ZFYVE16: variants seen among roughly 807,000 people sequenced by gnomAD.
ZFYVE16 encodes zinc finger FYVE-type containing 16.
In ZFYVE16, 89 loss-of-function variants were observed where a neutral mutation model predicts 138.1. The observed-to-expected ratio is 0.64, with a 90% CI of 0.54 to 0.77. The LOEUF (loss-of-function observed/expected upper bound fraction) is 0.77, where lower values mean the gene tolerates loss of function less well. Among genes scored for constraint, ZFYVE16 ranks in the 30% least tolerant of loss-of-function variants. The pLI is 0.00. For missense variants in ZFYVE16, 1,793 were observed against 1,786.7 expected (o/e 1.00, Z -0.06); for synonymous variants, 596 against 618.3 (o/e 0.96, Z 0.53).
intron 1 of ZFYVE16, among the ~76,000 whole-genome samples, chr5:80,413,056 G>A (rs912050502): frequency 6.6e-6 from 1 of 152,156 alleles, no homozygotes; most frequent in Admixed American, 6.5e-5. Context: ...CACACCTGTT[G>A]TTCCATTTAC....
intron 1 of ZFYVE16, among the ~76,000 whole-genome samples, chr5:80,426,491 C>T (rs906771953): frequency 1.3e-5 from 2 of 151,670 alleles, no homozygotes; most frequent in Non-Finnish European, 2.9e-5. Context: ...GTTCCCCTCC[C>T]TGTGTCCACG....
intron 6 of ZFYVE16, among the ~76,000 whole-genome samples, chr5:80,443,524 AGG>A (rs1750955699): frequency 6.6e-6 from 1 of 152,178 alleles, no homozygotes; most frequent in Non-Finnish European, 1.5e-5. Context: ...GGGCTACAAA[AGG>A]GGAGAGGCTA....
At chr5:80,411,134 A>ATTTTTTTT (rs58086060) in intron 1 of ZFYVE16, among the ~76,000 whole-genome samples, 9 of 95,240 alleles carry the variant, frequency 9.4e-5, no homozygotes, top group Admixed American at 1.4e-4. Flanking sequence ...CGCCCAGCTA[A>ATTTTTTTT]TTTTTTTTTT....
chr5:80,469,039 G>C (rs986409869), intron 15 of ZFYVE16, among the ~76,000 whole-genome samples: 1 of 149,754 alleles, frequency 6.7e-6, no homozygotes, highest in Non-Finnish European at 1.5e-5. Context: ...CTGTCATTCT[G>C]ATAATGGAAT....
At chr5:80,422,676 A>G (rs1164780644) in intron 1 of ZFYVE16, among the ~76,000 whole-genome samples, 1 of 152,082 alleles carries the variant, frequency 6.6e-6, no homozygotes, top group East Asian at 1.9e-4. Context: ...GCTGGTCTCA[A>G]ACTCCTGACC....
At chr5:80,415,355 G>T (rs1746049037) in intron 1 of ZFYVE16, among the ~76,000 whole-genome samples, 1 of 152,042 alleles carries the variant, frequency 6.6e-6, no homozygotes, top group Non-Finnish European at 1.5e-5. Context: ...TTAACTAAAG[G>T]CTATACTTTA....
At chr5:80,460,629 G>C (rs534356645) in intron 15 of ZFYVE16, among the ~76,000 whole-genome samples, 1 of 152,182 alleles carries the variant, frequency 6.6e-6, no homozygotes, top group Non-Finnish European at 1.5e-5. Context: ...TTGAATAGGA[G>C]TTGATCCAGC....
At chr5:80,436,213 C>G (rs1259866950) in intron 3 of ZFYVE16, among the ~76,000 whole-genome samples, 1 of 152,204 alleles carries the variant, frequency 6.6e-6, no homozygotes, top group African/African-American at 2.4e-5. Flanking sequence ...ACATGCCCAT[C>G]ACCGTGGCCA....
At chr5:80,439,204 TG>T (rs780703954) in intron 4 of ZFYVE16, among the ~76,000 whole-genome samples, 197 bp downstream of exon 4, 12 of 152,198 alleles carry the variant, frequency 7.9e-5, no homozygotes, top group Non-Finnish European at 1.6e-4. Context: ...AATGTTACAT[TG>T]TCAGGGGCAT....
At chr5:80,412,193 C>T (rs868780840) in intron 1 of ZFYVE16, among the ~76,000 whole-genome samples, 1 of 152,122 alleles carries the variant, frequency 6.6e-6, no homozygotes, top group Non-Finnish European at 1.5e-5. Flanking sequence ...TGTCTCCTTA[C>T]TGTTGGTTTT....
chr5:80,433,692 T>G (rs964358690), intron 2 of ZFYVE16, among the ~76,000 whole-genome samples: 1 of 151,234 alleles, frequency 6.6e-6, no homozygotes, highest in African/African-American at 2.4e-5. Context: ...TGTCTTCCAC[T>G]AAAAAAAGAA....
Position 80,436,761 on chromosome 5 carries a change from C to G in ZFYVE16, c.76C>G (p.Gln26Glu). The G allele has an allele frequency of 1.9e-6, 3 of 1,604,608 alleles. No homozygotes were observed. The highest frequency in any genetic ancestry group is 2.6e-6 in the Non-Finnish European group (3 of 1,174,734). Reference protein sequence around the residue: ...LDDFEQNPDEQDYLQDVQNAY... With the variant: ...LDDFEQNPDEEDYLQDVQNAY... ...ACACTGTTTCTCTATTTCAGATGAA[C>G]AAGATTATCTCCAAGATGTACAAAA... is the stretch of plus-strand genomic sequence containing the variant. The change falls in exon 4 of 19, where the codon CAA (glutamine) becomes GAA (glutamate). Residue 26 changes from glutamine (Q) to glutamate (E), a missense_variant. Gln to Glu is a conservative substitution (Grantham distance 29). This residue lies in a region of ZFYVE16 where 1,295 missense variants were observed against 1,204.3 expected (regional missense o/e 1.08). Transcript: ENST00000505560.
chr5:80,434,071 T>A (rs1580191599), intron 2 of ZFYVE16, 38 bp from the exon 3 acceptor site: 1 of 1,352,842 alleles, frequency 7.4e-7, no homozygotes. Context: ...ATTTGTTATG[T>A]AATTAAATGA....
chr5:80,414,201 A>T (rs1048350502), intron 1 of ZFYVE16, among the ~76,000 whole-genome samples: 1 of 152,012 alleles, frequency 6.6e-6, no homozygotes, highest in African/African-American at 2.4e-5. Context: ...TATTTGATCT[A>T]TTAATCTCTT....
chr5:80,427,142 C>T (rs1346304728), intron 1 of ZFYVE16, among the ~76,000 whole-genome samples: 14 of 151,924 alleles, frequency 9.2e-5, no homozygotes, highest in Non-Finnish European at 1.5e-4. Flanking sequence ...CCTCTTGCCT[C>T]CCTGAGAGCT....
Position 80,434,112 on chromosome 5 carries a change from T to A in ZFYVE16, c.-36T>A. 1 of 1,586,908 alleles carries A rather than the reference T, an allele frequency of 6.3e-7. No homozygotes were observed. Among genetic ancestry groups the A allele is most frequent in the Non-Finnish European group, 8.6e-7 (1 of 1,159,478 alleles). On this transcript the variant is annotated 5_prime_UTR_variant, in exon 3 of 19. Transcript: ENST00000505560. ...TATTATACTTTCTATTTTTTAGGCA[T>A]ACAAGAATTAAATTCTGAATAAGTC... is the stretch of plus-strand genomic sequence containing the variant.
intron 1 of ZFYVE16, among the ~76,000 whole-genome samples, chr5:80,423,146 C>T (rs550394452): frequency 6.6e-6 from 1 of 152,106 alleles, no homozygotes; most frequent in Admixed American, 6.6e-5. Context: ...GTGGATCCAT[C>T]TGGATCTGGT....
In ZFYVE16 at chr5:80,450,424, A is replaced by G. The variant is rs1424855138; in HGVS notation, c.3227-7A>G. On this transcript the variant is annotated splice_polypyrimidine_tract_variant and splice_region_variant and intron_variant, in intron 9 of 18. Coordinates refer to ENST00000505560, the MANE Select transcript of ZFYVE16 (RefSeq NM_001284236.3). ...ACATTAATAGTTATATTCTTTTATC[A>G]TCTAAGATTCCTCAGACAAATATTG... 1.2e-6 allele frequency: 2 copies of G among 1,612,012 alleles called. No homozygotes were observed. Among genetic ancestry groups the G allele is most frequent in the African/African-American group, 1.3e-5 (1 of 74,864 alleles).
At chr5:80,413,262 G>A (rs961474806) in intron 1 of ZFYVE16, among the ~76,000 whole-genome samples, 35 of 152,024 alleles carry the variant, frequency 2.3e-4, no homozygotes, top group African/African-American at 8.4e-4. Flanking sequence ...ACCTGAGGTC[G>A]GGAGTTCGAG....
Sources: gnomAD v4.1 joint callset for allele counts (sites outside exome capture counted in the v4.1 genomes callset) on GRCh38, gnomAD v4.1.1 for gene constraint, gnomAD v4.1.1 regional missense constraint, MANE v1.5 for transcripts, NCBI Gene and HGNC (gene_info 2026-07-23, HGNC 2026-07-21) for gene names.